Variants in CACNA2D1 observed in about 807,000 individuals in gnomAD.
The protein encoded by CACNA2D1 is voltage-dependent calcium channel subunit alpha-2/delta-1.
A neutral mutation model predicts 171.5 loss-of-function variants in CACNA2D1; 53 were observed. The ratio of observed to expected loss-of-function variants is 0.31; its 90% confidence interval spans 0.25 to 0.39. The LOEUF is 0.39. Ranked by LOEUF, CACNA2D1 falls within the 10% of genes least tolerant of loss-of-function variation. CACNA2D1 has a pLI of 1.00. For synonymous variants in CACNA2D1, 442 were observed against 443.1 expected, an observed-to-expected ratio of 1.00 and a Z score of 0.03; for missense variants, 903 against 1,299.8, an observed-to-expected ratio of 0.69 and a Z score of 4.69.
chr7:82,066,601 A>G, intron 7 of CACNA2D1, 77 bp from the exon 8 acceptor site: 1 of 1,508,264 alleles, frequency 6.6e-7, no homozygotes, highest in South Asian at 1.3e-5. Flanking sequence ...TTTAAAAATC[A>G]CAAAAAGCAA....
intron 7 of CACNA2D1, among the ~76,000 whole-genome samples, chr7:82,072,527 A>G (rs1808448809): frequency 1.3e-5 from 2 of 151,562 alleles, no homozygotes; most frequent in Admixed American, 6.6e-5. Flanking sequence ...AAAAATAACA[A>G]TCATTCCCAG....
At chr7:82,437,658 G>A (rs1397826782) in intron 1 of CACNA2D1, among the ~76,000 whole-genome samples, 1 of 152,064 alleles carries the variant, frequency 6.6e-6, no homozygotes. Flanking sequence ...GTTTGTTGAG[G>A]CCACAAAGTC....
intron 5 of CACNA2D1, among the ~76,000 whole-genome samples, chr7:82,134,173 T>G (rs1414643351): frequency 6.6e-6 from 1 of 152,116 alleles, no homozygotes; most frequent in East Asian, 1.9e-4. Flanking sequence ...AGGGTAAAAG[T>G]CATGAATGCC....
intron 25 of CACNA2D1, among the ~76,000 whole-genome samples, chr7:81,972,807 T>C (rs1195712585): frequency 6.6e-6 from 1 of 152,002 alleles, no homozygotes; most frequent in Non-Finnish European, 1.5e-5. Context: ...CCTATTACTA[T>C]ACAACATGGT....
At chr7:81,961,563 G>GT (rs1464684069) in intron 36 of CACNA2D1, among the ~76,000 whole-genome samples, 1 of 151,102 alleles carries the variant, frequency 6.6e-6, no homozygotes, top group African/African-American at 2.4e-5. Context: ...TTTAATATGG[G>GT]TTATTTTAGG....
chr7:82,153,425 C>A (rs1794051468), intron 4 of CACNA2D1, among the ~76,000 whole-genome samples: 1 of 151,938 alleles, frequency 6.6e-6, no homozygotes, highest in Admixed American at 6.6e-5. Context: ...TAAGTTTAAT[C>A]ATTACAAACT....
chr7:82,319,747 G>C (rs922931662), intron 3 of CACNA2D1, among the ~76,000 whole-genome samples: 1 of 152,110 alleles, frequency 6.6e-6, no homozygotes, highest in Non-Finnish European at 1.5e-5. Context: ...AACAATCAGG[G>C]GTGACTGGTT....
intron 3 of CACNA2D1, among the ~76,000 whole-genome samples, chr7:82,208,889 T>A (rs1800278510): frequency 6.6e-6 from 1 of 152,188 alleles, no homozygotes; most frequent in Non-Finnish European, 1.5e-5. Flanking sequence ...ACTAGCTTGA[T>A]TTAGCCATTC....
chr7:82,434,515 C>T (rs1281184258), intron 1 of CACNA2D1, among the ~76,000 whole-genome samples: 1 of 152,002 alleles, frequency 6.6e-6, no homozygotes, highest in African/African-American at 2.4e-5. Flanking sequence ...CTGATCCTCT[C>T]ACTCCTCCCA....
intron 3 of CACNA2D1, among the ~76,000 whole-genome samples, chr7:82,312,509 C>CTTT (rs557443177): frequency 1.5e-4 from 18 of 118,992 alleles, no homozygotes; most frequent in South Asian, 2.8e-4. Context: ...TTAACTGAAA[C>CTTT]TTTTTTTTTT....
At chr7:82,151,476 T>C (rs541468371) in intron 4 of CACNA2D1, among the ~76,000 whole-genome samples, 15 of 152,122 alleles carry the variant, frequency 9.9e-5, no homozygotes, top group Non-Finnish European at 1.6e-4. Context: ...AATCAATCTA[T>C]CCTAAGTTGT....
At chr7:82,283,772 T>G (rs1810418176) in intron 3 of CACNA2D1, among the ~76,000 whole-genome samples, 1 of 152,096 alleles carries the variant, frequency 6.6e-6, no homozygotes, top group African/African-American at 2.4e-5. Flanking sequence ...ATGCAAAAAC[T>G]AATGAAACAG....
chr7:82,154,753 T>G (rs1794206003), intron 4 of CACNA2D1, among the ~76,000 whole-genome samples: 1 of 152,190 alleles, frequency 6.6e-6, no homozygotes, highest in African/African-American at 2.4e-5. Context: ...TTATAAAAAA[T>G]GAACACTAGT....
At position 81,988,942 on chromosome 7, in the gene CACNA2D1, G is replaced by T. The variant is rs575873061; in HGVS notation, c.1796+2243C>A. 3.9e-5 allele frequency among the ~76,000 whole-genome samples: 6 copies of T among 152,218 alleles called. No individual in the cohort carries two copies. In the East Asian group the frequency reaches 9.7e-4, roughly 25 times the overall value. ...TGCATGATGTTAAATTTCAATAAGG[G>T]TTATGGAGAATATGAAGTGGAAGAG... On this transcript the variant is annotated intron_variant, in intron 21 of 38. Transcript: ENST00000356860.
At chr7:82,175,848 C>T (rs546146383) in intron 3 of CACNA2D1, among the ~76,000 whole-genome samples, 89 of 152,030 alleles carry the variant, frequency 5.9e-4, no homozygotes, top group Non-Finnish European at 1.1e-3. Context: ...CCGTTTGAAC[C>T]TGACAAACAT....
chr7:82,361,580 A>C (rs1474042002), intron 1 of CACNA2D1, among the ~76,000 whole-genome samples: 1 of 152,140 alleles, frequency 6.6e-6, no homozygotes, highest in Non-Finnish European at 1.5e-5. Flanking sequence ...TTAATGTATT[A>C]TATGTTGAAA....
intron 23 of CACNA2D1, among the ~76,000 whole-genome samples, chr7:81,983,037 T>A (rs1796597778): frequency 6.6e-6 from 1 of 152,164 alleles, no homozygotes; most frequent in South Asian, 2.1e-4. Context: ...CTTTAGTGAG[T>A]TAATAACATT....
At chr7:82,242,149 G>C (rs1384948856) in intron 3 of CACNA2D1, among the ~76,000 whole-genome samples, 1 of 152,084 alleles carries the variant, frequency 6.6e-6, no homozygotes, top group African/African-American at 2.4e-5. Context: ...GGGATTAGTT[G>C]ACATTATGTA....
chr7:82,220,053 G>C (rs985788501), intron 3 of CACNA2D1, among the ~76,000 whole-genome samples: 4 of 152,022 alleles, frequency 2.6e-5, no homozygotes, highest in African/African-American at 9.7e-5. Context: ...GAAGTCACAG[G>C]CATTAATAAA....
Sources: gnomAD v4.1 joint callset for allele counts (sites outside exome capture counted in the v4.1 genomes callset) on GRCh38, gnomAD v4.1.1 for gene constraint, MANE v1.5 for transcripts, NCBI Gene and HGNC (gene_info 2026-07-23, HGNC 2026-07-21) for gene names.